Variants in WDR17 observed in about 807,000 individuals in gnomAD.
WDR17 encodes the protein WD repeat-containing protein 17.
Under a neutral mutation model 161.7 loss-of-function variants are expected in WDR17, and 143 were observed. The ratio of observed to expected loss-of-function variants is 0.88; its 90% CI spans 0.77 to 1.02. The LOEUF (loss-of-function observed/expected upper bound fraction) is 1.02, where lower values mean the gene tolerates loss of function less well. Ranked by LOEUF, WDR17 falls within the 50% of genes least tolerant of loss-of-function variation. WDR17 has a pLI of 0.00. For missense variants in WDR17, 1,469 were observed against 1,520.9 expected, an observed-to-expected ratio of 0.97 and a Z score of 0.57; for synonymous variants, 517 against 515.6, an observed-to-expected ratio of 1.00 and a Z score of -0.04.
chr4:176,131,852 C>T (rs7655015), intron 7 of WDR17, 114 bp downstream of exon 7: 188,721 of 809,888 alleles, frequency 0.23, 23,438 homozygotes, highest in Middle Eastern at 0.33. Context: ...TAATAATATA[C>T]TAGAAATTTA....
At chr4:176,150,995 C>A (rs1267141664) in intron 16 of WDR17, among the ~76,000 whole-genome samples, 1 of 152,186 alleles carries the variant, frequency 6.6e-6, no homozygotes, top group Non-Finnish European at 1.5e-5. Flanking sequence ...CTAGTTACCT[C>A]ATCCCTGGGG....
chr4:176,177,765 G>A, intron 28 of WDR17, 111 bp downstream of exon 28: 2 of 1,094,088 alleles, frequency 1.8e-6, no homozygotes, highest in Non-Finnish European at 2.5e-6. Flanking sequence ...TTTAGGACTG[G>A]GGTCCAGTAA....
At chr4:176,120,165 G>T in intron 4 of WDR17, 68 bp downstream of exon 4, 1 of 1,246,428 alleles carries the variant, frequency 8.0e-7, no homozygotes. Flanking sequence ...GTACTTGCTT[G>T]GTCTTTCTAG....
chr4:176,158,414 A>G (rs907921782), intron 18 of WDR17, among the ~76,000 whole-genome samples: 3 of 152,196 alleles, frequency 2.0e-5, no homozygotes, highest in Non-Finnish European at 4.4e-5. Context: ...GGTTTGAAAA[A>G]CTGGATAGAA....
chr4:176,152,708 A>T (rs1186401107), intron 17 of WDR17, among the ~76,000 whole-genome samples: 1 of 151,656 alleles, frequency 6.6e-6, no homozygotes, highest in Non-Finnish European at 1.5e-5. Context: ...GCCAAGGCGG[A>T]AGGATCACTT....
chr4:176,179,063 T>C (rs2126906603), intron 28 of WDR17, among the ~76,000 whole-genome samples: 1 of 152,340 alleles, frequency 6.6e-6, no homozygotes, highest in South Asian at 2.1e-4. Flanking sequence ...TTTCCCCAGC[T>C]GTATCGACAT....
At chr4:176,083,777 C>G (rs1735059107) in intron 1 of WDR17, among the ~76,000 whole-genome samples, 1 of 152,080 alleles carries the variant, frequency 6.6e-6, no homozygotes, top group African/African-American at 2.4e-5. Context: ...AGCATTTGCC[C>G]CAGTTTACGT....
intron 1 of WDR17, among the ~76,000 whole-genome samples, chr4:176,076,213 TAATA>T (rs1337975954): frequency 3.5e-4 from 7 of 19,906 alleles, no homozygotes; most frequent in East Asian, 3.4e-3. Context: ...TTTACATATA[TAATA>T]TATATATATA....
intron 1 of WDR17, among the ~76,000 whole-genome samples, chr4:176,067,970 T>C (rs1167648762): frequency 1.3e-5 from 2 of 152,230 alleles, no homozygotes; most frequent in Admixed American, 6.5e-5. Context: ...CTAAATACTT[T>C]AATGACGACT....
At position 176,168,727 on chromosome 4, in the gene WDR17, A is replaced by T; in HGVS notation, c.3046A>T (p.Lys1016Ter). The change falls in exon 23 of 29, where the codon AAA becomes TAA. Residue 1016 changes from lysine to a stop codon, truncating the protein, a stop_gained. Transcript: ENST00000508596. LOFTEE classifies it high-confidence loss of function. ...MIPDNELHLI[K>*]LCAFYPGCTE... ...TCCTGATAATGAACTACATTTAATA[A>T]AACTCTGTGCTTTCTACCCAGGATG... is the stretch of plus-strand genomic sequence containing the variant. 6.2e-7 allele frequency: 1 copy of T among 1,613,588 alleles called. No homozygotes were observed. The highest frequency in any genetic ancestry group is 8.5e-7 in the Non-Finnish European group (1 of 1,179,762).
At chr4:176,175,866 C>T (rs1751381672) in intron 26 of WDR17, among the ~76,000 whole-genome samples, 1 of 151,164 alleles carries the variant, frequency 6.6e-6, no homozygotes, top group African/African-American at 2.5e-5. Context: ...GCCGGTTAAG[C>T]AGTTTTTCTG....
chr4:176,176,746 G>C (rs1232626545), intron 26 of WDR17, among the ~76,000 whole-genome samples: 2 of 152,018 alleles, frequency 1.3e-5, no homozygotes, highest in African/African-American at 4.8e-5. Flanking sequence ...TCTCACTGTG[G>C]CTATTATTTA....
At chr4:176,123,422 G>A (rs1381327424) in intron 4 of WDR17, among the ~76,000 whole-genome samples, 1 of 152,066 alleles carries the variant, frequency 6.6e-6, no homozygotes, top group Non-Finnish European at 1.5e-5. Flanking sequence ...GAGGGATCAG[G>A]CCCCATTACT....
At chr4:176,079,585 G>T (rs992057678) in intron 1 of WDR17, among the ~76,000 whole-genome samples, 1 of 152,090 alleles carries the variant, frequency 6.6e-6, no homozygotes, top group African/African-American at 2.4e-5. Context: ...TCACCAGAAG[G>T]TGATTCATAT....
intron 1 of WDR17, among the ~76,000 whole-genome samples, chr4:176,066,850 C>CAA (rs137941363): frequency 1.3e-5 from 2 of 151,748 alleles, no homozygotes; most frequent in African/African-American, 4.8e-5. Flanking sequence ...AGAAAACTAT[C>CAA]AAAAAAACAC....
chr4:176,078,388 G>A (rs1021974635), intron 1 of WDR17, among the ~76,000 whole-genome samples: 6 of 152,114 alleles, frequency 3.9e-5, no homozygotes, highest in Admixed American at 1.3e-4. Context: ...AAGCAGAGGA[G>A]AGGATCATCA....
At chr4:176,132,468 A>T (rs538863258) in intron 7 of WDR17, among the ~76,000 whole-genome samples, 20 of 152,206 alleles carry the variant, frequency 1.3e-4, no homozygotes, top group African/African-American at 4.8e-4. Context: ...TGGACATTTA[A>T]GAAACCTTTA....
chr4:176,160,109 G>C lies in WDR17; in HGVS notation c.2641G>C (p.Ala881Pro). 6.2e-7 allele frequency: 1 copy of C among 1,613,606 alleles called. No individual in the cohort carries two copies. Among genetic ancestry groups the C allele is most frequent in the Non-Finnish European group, 8.5e-7 (1 of 1,179,704 alleles). The change falls in exon 19 of 29, where the codon GCT becomes CCT. Residue 881 changes from alanine to proline, a missense_variant. Coordinates refer to ENST00000508596, the MANE Select transcript of WDR17 (RefSeq NM_181265.4). ...CATGTCAAGAGGTCAGCTTAAAGAA[G>C]CTCTGCTTGTTGCACAGGTAAAACC... ...FFMSRGQLKE[A>P]LLVAQAACEG... is the part of the protein sequence containing the mutation.
Position 176,177,665 on chromosome 4 carries a change from A to T in WDR17, c.3732+11A>T, listed in dbSNP as rs555824151. ...GGATTAAAAATCCAGGTAAAGCCTAACATCAGACATAACATGTGTATTTCA... is the reference window on the plus strand; with the variant it reads ...GGATTAAAAATCCAGGTAAAGCCTATCATCAGACATAACATGTGTATTTCA... On this transcript the variant is annotated intron_variant, in intron 28 of 28. Coordinates refer to ENST00000508596, the MANE Select transcript of WDR17 (RefSeq NM_181265.4). 40 of 1,576,648 alleles carry T rather than the reference A, an allele frequency of 2.5e-5. No homozygotes were observed. In the South Asian group the frequency reaches 3.9e-4, roughly 15 times the overall value.
Sources: gnomAD v4.1 joint callset for allele counts (sites outside exome capture counted in the v4.1 genomes callset) on GRCh38, gnomAD v4.1.1 for gene constraint, MANE v1.5 for transcripts, NCBI Gene and HGNC (gene_info 2026-07-23, HGNC 2026-07-21) for gene names.